Variants in ADGRB3 observed in about 807,000 individuals in gnomAD.
ADGRB3 encodes the protein brain-specific angiogenesis inhibitor 3.
In ADGRB3, 37 loss-of-function variants were observed where a neutral mutation model predicts 193.4. The ratio of observed to expected loss-of-function variants is 0.19; its 90% confidence interval spans 0.15 to 0.25. The LOEUF is 0.25. Ranked by LOEUF, ADGRB3 falls within the 10% of genes least tolerant of loss-of-function variation. The pLI is 1.00. For synonymous variants in ADGRB3, 690 were observed against 644.2 expected, an observed-to-expected ratio of 1.07 and a Z score of -1.08; for missense variants, 1,637 against 1,852.9, an observed-to-expected ratio of 0.88 and a Z score of 2.14.
intron 3 of ADGRB3, among the ~76,000 whole-genome samples, chr6:68,741,633 C>T (rs1167284177): frequency 1.3e-5 from 2 of 152,140 alleles, no homozygotes; most frequent in African/African-American, 2.4e-5. Flanking sequence ...AGTGATCCTC[C>T]CACCTCACCC....
intron 17 of ADGRB3, among the ~76,000 whole-genome samples, chr6:69,147,491 T>C (rs142659565): frequency 8.5e-5 from 13 of 152,362 alleles, no homozygotes; most frequent in African/African-American, 2.4e-4. Context: ...TTTAATTCCA[T>C]TGTGATCAGA....
intron 17 of ADGRB3, among the ~76,000 whole-genome samples, chr6:69,127,231 T>G (rs1219313291): frequency 6.6e-6 from 1 of 152,210 alleles, no homozygotes; most frequent in Non-Finnish European, 1.5e-5. Flanking sequence ...CTAAAAATTG[T>G]AGCCCTGAAG....
chr6:68,703,685 C>T (rs1416199961), intron 3 of ADGRB3, among the ~76,000 whole-genome samples: 1 of 152,108 alleles, frequency 6.6e-6, no homozygotes, highest in Non-Finnish European at 1.5e-5. Flanking sequence ...TGCAGTGGCG[C>T]AATCTCAGCT....
rs150039298 is a variant in ADGRB3 at position 69,361,131 on chromosome 6, T to A, written c.3858T>A (p.Asp1286Glu). 117 of 1,612,854 alleles carry A rather than the reference T, an allele frequency of 7.3e-5. No individual in the cohort carries two copies. Among genetic ancestry groups the A allele is most frequent in the Non-Finnish European group, 9.3e-5 (110 of 1,179,278 alleles). Reference protein sequence around the residue: ...ELRRTVYLCTDDNLRGADMDI... With the variant: ...ELRRTVYLCTEDNLRGADMDI... ...GGAGAACTGTGTACTTATGTACGGA[T>A]GATAATTTGAGAGGGGCTGACATGG... is the stretch of plus-strand genomic sequence containing the variant. The change falls in exon 29 of 32, where the codon GAT becomes GAA. Residue 1286 changes from aspartate to glutamate, a missense_variant. Coordinates refer to ENST00000370598, the MANE Select transcript of ADGRB3 (RefSeq NM_001704.3).
intron 17 of ADGRB3, among the ~76,000 whole-genome samples, chr6:69,099,023 G>T (rs1010006599): frequency 8.5e-5 from 13 of 152,112 alleles, no homozygotes; most frequent in African/African-American, 3.1e-4. Flanking sequence ...GTGAAATTTT[G>T]ATACTAAAGT....
chr6:69,294,231 G>T (rs1359709982), intron 20 of ADGRB3, among the ~76,000 whole-genome samples: 1 of 151,496 alleles, frequency 6.6e-6, no homozygotes, highest in Non-Finnish European at 1.5e-5. Context: ...ATTGTACGTT[G>T]GATTTATCTG....
At chr6:69,209,985 C>T (rs1311499825) in intron 17 of ADGRB3, among the ~76,000 whole-genome samples, 1 of 150,832 alleles carries the variant, frequency 6.6e-6, no homozygotes, top group Non-Finnish European at 1.5e-5. Flanking sequence ...CTCCAGAAAC[C>T]CCAAAACCAA....
chr6:69,014,680 G>A (rs976822843), intron 12 of ADGRB3, among the ~76,000 whole-genome samples: 1 of 151,932 alleles, frequency 6.6e-6, no homozygotes, highest in African/African-American at 2.4e-5. Flanking sequence ...TAACTGATAA[G>A]ACAGTGACTA....
intron 10 of ADGRB3, among the ~76,000 whole-genome samples, chr6:68,976,649 G>T (rs1333165268): frequency 6.6e-6 from 1 of 152,142 alleles, no homozygotes; most frequent in Non-Finnish European, 1.5e-5. Context: ...AAAAGAAAAT[G>T]TTATTAAGAA....
intron 12 of ADGRB3, among the ~76,000 whole-genome samples, 165 bp from the exon 13 acceptor site, chr6:69,018,226 C>G (rs1770154337): frequency 6.6e-6 from 1 of 151,858 alleles, no homozygotes; most frequent in Non-Finnish European, 1.5e-5. Context: ...CACCTGATGT[C>G]ATTCTCAACT....
chr6:69,330,430 A>G, intron 22 of ADGRB3, 76 bp from the exon 23 acceptor site: 1 of 1,109,530 alleles, frequency 9.0e-7, no homozygotes, highest in Non-Finnish European at 1.3e-6. Flanking sequence ...GTATAATCTA[A>G]GTTGTTTGTA....
At chr6:69,214,642 CTTTGAA>C (rs1765737346) in intron 17 of ADGRB3, among the ~76,000 whole-genome samples, 2 of 151,850 alleles carry the variant, frequency 1.3e-5, no homozygotes, top group Admixed American at 1.3e-4. Context: ...GGATATGTGA[CTTTGAA>C]GCATGCTGGG....
At chr6:68,638,627 T>C (rs745514881) in intron 2 of ADGRB3, 34 bp from the exon 3 acceptor site, 13 of 1,552,460 alleles carry the variant, frequency 8.4e-6, no homozygotes, top group Non-Finnish European at 1.1e-5. Flanking sequence ...CGTAGACTCC[T>C]ACTTGCATTT....
At chr6:68,823,958 C>T (rs1314099435) in intron 3 of ADGRB3, among the ~76,000 whole-genome samples, 3 of 152,002 alleles carry the variant, frequency 2.0e-5, no homozygotes, top group Non-Finnish European at 4.4e-5. Flanking sequence ...TTTATTTATT[C>T]TTCAACAATT....
intron 17 of ADGRB3, among the ~76,000 whole-genome samples, chr6:69,131,306 G>A (rs1774001410): frequency 6.6e-6 from 1 of 151,966 alleles, no homozygotes; most frequent in Non-Finnish European, 1.5e-5. Flanking sequence ...AAACAATATT[G>A]AAGAAAGTAA....
chr6:68,780,786 G>A (rs1156888987), intron 3 of ADGRB3, among the ~76,000 whole-genome samples: 3 of 152,058 alleles, frequency 2.0e-5, no homozygotes, highest in African/African-American at 7.2e-5. Flanking sequence ...TCCCCCAATG[G>A]TAACTAACCT....
At chr6:69,052,340 C>T (rs1771423404) in intron 15 of ADGRB3, among the ~76,000 whole-genome samples, 1 of 152,126 alleles carries the variant, frequency 6.6e-6, no homozygotes, top group African/African-American at 2.4e-5. Context: ...GTGAATTGAA[C>T]TCAATAGGAA....
intron 3 of ADGRB3, among the ~76,000 whole-genome samples, chr6:68,642,740 T>C (rs1768110144): frequency 1.4e-5 from 2 of 147,670 alleles, no homozygotes; most frequent in African/African-American, 5.0e-5. Context: ...TTTTTTTTTT[T>C]CCAAATAAAA....
intron 3 of ADGRB3, among the ~76,000 whole-genome samples, chr6:68,696,421 C>A (rs1765159006): frequency 6.7e-6 from 1 of 150,202 alleles, no homozygotes; most frequent in African/African-American, 2.4e-5. Context: ...CACTTTTCTT[C>A]TAAAAATTAA....
Sources: gnomAD v4.1 joint callset for allele counts (sites outside exome capture counted in the v4.1 genomes callset) on GRCh38, gnomAD v4.1.1 for gene constraint, MANE v1.5 for transcripts, NCBI Gene and HGNC (gene_info 2026-07-23, HGNC 2026-07-21) for gene names.